Variants in TMEM132C observed in about 807,000 individuals in gnomAD.
The protein encoded by TMEM132C is transmembrane protein 132C.
In TMEM132C, 29 loss-of-function variants were observed where a neutral mutation model predicts 61.4. That is an observed-to-expected ratio of 0.47 (90% CI 0.35 to 0.64). The LOEUF (loss-of-function observed/expected upper bound fraction) is 0.64, where lower values mean the gene tolerates loss of function less well. TMEM132C is among the 30% of genes least tolerant of loss of function. The pLI, the probability that TMEM132C is intolerant of heterozygous loss-of-function variation, is 0.00. For synonymous variants in TMEM132C, 656 were observed against 633.1 expected (o/e 1.04, Z -0.54); for missense variants, 1,408 against 1,476.9 (o/e 0.95, Z 0.76).
intron 2 of TMEM132C, among the ~76,000 whole-genome samples, chr12:128,496,650 C>T (rs1347974862): frequency 6.6e-6 from 1 of 152,184 alleles, no homozygotes; most frequent in Non-Finnish European, 1.5e-5. Flanking sequence ...GTGCATTCGT[C>T]ACATAGTTCT....
At chr12:128,475,580 T>A (rs910701367) in intron 2 of TMEM132C, among the ~76,000 whole-genome samples, 3 of 151,986 alleles carry the variant, frequency 2.0e-5, no homozygotes, top group Non-Finnish European at 2.9e-5. Context: ...TAAAAAAAAA[T>A]TTAGGTTTAA....
chr12:128,448,956 C>G (rs1390829903), intron 2 of TMEM132C, among the ~76,000 whole-genome samples: 1 of 151,306 alleles, frequency 6.6e-6, no homozygotes, highest in Non-Finnish European at 1.5e-5. Context: ...GCTAACACGG[C>G]GAAACCCTGT....
chr12:128,284,402 G>A (rs935410811), intron 1 of TMEM132C, among the ~76,000 whole-genome samples: 3 of 152,324 alleles, frequency 2.0e-5, no homozygotes, highest in South Asian at 2.1e-4. Flanking sequence ...GGGACACTGA[G>A]AGCATTTCTA....
rs538386203 is a variant in TMEM132C at position 128,386,775 on chromosome 12, C to G, written c.86-27957C>G. On this transcript the variant is annotated intron_variant, in intron 1 of 8. Transcript: ENST00000435159. ...TTGCTTTACATTCGCTCTGCTAGAT[C>G]AGGTCCTGATGCGTAGTAGATGCTC... Among the ~76,000 whole-genome samples, 4 of 152,252 alleles carry G rather than the reference C, an allele frequency of 2.6e-5. No homozygotes were observed. The East Asian group carries it at 7.7e-4, about 29-fold the overall frequency.
At chr12:128,457,861 C>T (rs1460158813) in intron 2 of TMEM132C, among the ~76,000 whole-genome samples, 2 of 152,042 alleles carry the variant, frequency 1.3e-5, no homozygotes, top group Admixed American at 6.6e-5. Context: ...CATTGAGAGC[C>T]CTGGATCATG....
intron 4 of TMEM132C, among the ~76,000 whole-genome samples, chr12:128,665,659 C>A: frequency 1.9e-5 from 2 of 104,596 alleles, no homozygotes; most frequent in East Asian, 3.1e-4. Flanking sequence ...GCACATGTAC[C>A]CATAAACACA....
chr12:128,291,390 A>C (rs895611748), intron 1 of TMEM132C, among the ~76,000 whole-genome samples: 1 of 152,198 alleles, frequency 6.6e-6, no homozygotes, highest in East Asian at 1.9e-4. Context: ...ATCTCCATAC[A>C]GTGCCAGGTG....
chr12:128,368,668 A>G (rs1873941266), intron 1 of TMEM132C, among the ~76,000 whole-genome samples: 1 of 152,218 alleles, frequency 6.6e-6, no homozygotes, highest in South Asian at 2.1e-4. Context: ...AGGAACATCC[A>G]TTGGTTGGAA....
chr12:128,287,674 C>T (rs1305047446), intron 1 of TMEM132C, among the ~76,000 whole-genome samples: 1 of 152,178 alleles, frequency 6.6e-6, no homozygotes, highest in African/African-American at 2.4e-5. Flanking sequence ...TGCTATGGTA[C>T]TATTATGTAT....
intron 3 of TMEM132C, among the ~76,000 whole-genome samples, chr12:128,588,566 A>T (rs866769693): frequency 6.6e-6 from 1 of 151,166 alleles, no homozygotes; most frequent in Non-Finnish European, 1.5e-5. Context: ...GCCTTGCCTC[A>T]GTGCTATGGA....
chr12:128,333,722 G>C (rs956673823), intron 1 of TMEM132C, among the ~76,000 whole-genome samples: 3 of 151,520 alleles, frequency 2.0e-5, no homozygotes, highest in Admixed American at 2.0e-4. Flanking sequence ...ATGTATGAGA[G>C]TGTGTGGTTT....
intron 3 of TMEM132C, among the ~76,000 whole-genome samples, chr12:128,582,712 C>G (rs528727783): frequency 6.6e-6 from 1 of 152,138 alleles, no homozygotes; most frequent in Non-Finnish European, 1.5e-5. Context: ...ATCATGATTC[C>G]GAGGCCTCCC....
rs59258589 is a variant in TMEM132C at position 128,566,189 on chromosome 12, C to CA, written c.1121+22104dup. On this transcript the variant is annotated intron_variant, in intron 3 of 8. Transcript: ENST00000435159. Reference sequence around the variant, plus strand: ...ATAGGCATGAGACACCAAGCCTAACCAAAAAAAAAAAAAAAAAAGTTTTAA... The same window carrying CA: ...ATAGGCATGAGACACCAAGCCTAACCAAAAAAAAAAAAAAAAAAAGTTTTAA... Among the ~76,000 whole-genome samples the CA allele has an allele frequency of 8.9e-3, 598 of 67,546 alleles. 4 individuals carry two copies. The highest frequency in any genetic ancestry group is 0.026 in the Admixed American group (158 of 6,112). The allele number at this position is 67,546 out of a possible 152,430, so 44.3% of individuals were successfully genotyped here. A position where few individuals can be genotyped will look rare whatever the true frequency, so the allele number is the denominator to read the frequency against.
chr12:128,337,263 A>G (rs186565387), intron 1 of TMEM132C, among the ~76,000 whole-genome samples: 218 of 152,202 alleles, frequency 1.4e-3, no homozygotes, highest in African/African-American at 4.6e-3. Context: ...ATTATATTCA[A>G]TGGGGGAATG....
chr12:128,300,633 C>T (rs1593002818), intron 1 of TMEM132C, among the ~76,000 whole-genome samples: 1 of 152,238 alleles, frequency 6.6e-6, no homozygotes, highest in African/African-American at 2.4e-5. Context: ...TTCTAAGAAC[C>T]AGGGGTGGAC....
chr12:128,577,666 C>A (rs568115237), intron 3 of TMEM132C, among the ~76,000 whole-genome samples: 1 of 152,378 alleles, frequency 6.6e-6, no homozygotes, highest in African/African-American at 2.4e-5. Flanking sequence ...CTCTCCGCTC[C>A]AGCCTTGCCC....
chr12:128,398,088 C>A (rs1355688024), intron 1 of TMEM132C, among the ~76,000 whole-genome samples: 1 of 152,202 alleles, frequency 6.6e-6, no homozygotes, highest in Non-Finnish European at 1.5e-5. Flanking sequence ...AGCTCAGAGG[C>A]CTCATCCATC....
chr12:128,550,995 C>T (rs1256100330), intron 3 of TMEM132C, among the ~76,000 whole-genome samples: 1 of 152,198 alleles, frequency 6.6e-6, no homozygotes, highest in Non-Finnish European at 1.5e-5. Flanking sequence ...GAGCTTCCCA[C>T]AGGGTCAGGC....
intron 2 of TMEM132C, among the ~76,000 whole-genome samples, chr12:128,534,497 A>G (rs2136139110): frequency 6.6e-6 from 1 of 152,354 alleles, no homozygotes; most frequent in East Asian, 1.9e-4. Flanking sequence ...GCAGATGAAG[A>G]AAGAAAAGCA....
Sources: gnomAD v4.1 joint callset for allele counts (sites outside exome capture counted in the v4.1 genomes callset) on GRCh38, gnomAD v4.1.1 for gene constraint, MANE v1.5 for transcripts, NCBI Gene and HGNC (gene_info 2026-07-23, HGNC 2026-07-21) for gene names.